The following ANXA8 variants were observed in gnomAD, a reference collection of about 807,000 sequenced individuals.
The protein encoded by ANXA8 is annexin A8.
In ANXA8, 9 loss-of-function variants were observed where a neutral mutation model predicts 26.8. The observed-to-expected ratio is 0.34, with a 90% CI of 0.20 to 0.59. The LOEUF is 0.59. ANXA8 is among the 20% of genes least tolerant of loss of function. ANXA8 has a pLI of 0.84. For synonymous variants in ANXA8, 39 were observed against 94.8 expected (o/e 0.41, Z 3.42); for missense variants, 83 against 238.5 (o/e 0.35, Z 4.29).
At chr10:47,488,445 A>G (rs1247325521), upstream of ANXA8, among the ~76,000 whole-genome samples, 1 of 147,866 alleles carries the variant, frequency 6.8e-6, no homozygotes, top group Non-Finnish European at 1.5e-5. Context: ...TCCTGACCTC[A>G]GGTGGCCCAC....
At chr10:47,632,779 AG>A in the ANXA8 span, among the ~76,000 whole-genome samples, 1 of 145,400 alleles carries the variant, frequency 6.9e-6, no homozygotes, top group Non-Finnish European at 1.5e-5. Flanking sequence ...TAAGTGAAAG[AG>A]TAACGGTATG....
At chr10:47,563,858 T>C in the ANXA8 span, among the ~76,000 whole-genome samples, 4 of 151,944 alleles carry the variant, frequency 2.6e-5, no homozygotes, top group African/African-American at 9.7e-5. Context: ...TATAGCCTTT[T>C]TTTACGGGAG....
At chr10:47,536,740 G>A in the ANXA8 span, among the ~76,000 whole-genome samples, 2 of 125,740 alleles carry the variant, frequency 1.6e-5, 1 homozygote, top group African/African-American at 7.6e-5. Context: ...AGGATCACTT[G>A]AGCCCAGGAG....
chr10:47,588,975 G>T, the ANXA8 span: 1 of 144,434 alleles, frequency 6.9e-6, no homozygotes, highest in Non-Finnish European at 1.5e-5. Flanking sequence ...TGCCACTCCT[G>T]GTTAATTTTT....
chr10:47,901,841 C>T, the ANXA8 span, among the ~76,000 whole-genome samples: 1 of 150,982 alleles, frequency 6.6e-6, no homozygotes, highest in Non-Finnish European at 1.5e-5. Context: ...AAGCCAAGAA[C>T]AAACTTGTAT....
At chr10:47,896,389 G>GTAATTAGAGATTACATAATTACAT in the ANXA8 span, among the ~76,000 whole-genome samples, 6 of 151,432 alleles carry the variant, frequency 4.0e-5, no homozygotes, top group African/African-American at 9.7e-5. Context: ...TGTAACTTCT[G>GTAATTAGAGATTACATAATTACAT]AGCACATGCA....
At chr10:47,670,739 T>G in the ANXA8 span, among the ~76,000 whole-genome samples, 2 of 151,642 alleles carry the variant, frequency 1.3e-5, no homozygotes, top group Non-Finnish European at 2.9e-5. Flanking sequence ...TAAGAGTTCT[T>G]TATACATTCT....
chr10:47,521,267 G>A, the ANXA8 span, among the ~76,000 whole-genome samples: 3 of 136,758 alleles, frequency 2.2e-5, no homozygotes, highest in Non-Finnish European at 3.1e-5. Context: ...TAACTGGTGT[G>A]TAACATCCAT....
the ANXA8 span, among the ~76,000 whole-genome samples, chr10:47,673,623 G>C: frequency 1.1e-3 from 168 of 151,694 alleles, 2 homozygotes; most frequent in African/African-American, 3.7e-3. Flanking sequence ...CTCTGACCGT[G>C]GCGCTTAATG....
chr10:47,743,324 A>ACATATATATATATG, the ANXA8 span, among the ~76,000 whole-genome samples: 1 of 101,976 alleles, frequency 9.8e-6, no homozygotes, highest in Non-Finnish European at 2.0e-5. Context: ...ACATATATAT[A>ACATATATATATATG]TATACATATA....
chr10:47,686,467 C>T, the ANXA8 span, among the ~76,000 whole-genome samples: 1 of 151,870 alleles, frequency 6.6e-6, no homozygotes, highest in Non-Finnish European at 1.5e-5. Context: ...CTGCCTCAGC[C>T]TCCCGAAGTC....
chr10:47,976,741 G>C, the ANXA8 span, among the ~76,000 whole-genome samples: 1 of 148,590 alleles, frequency 6.7e-6, no homozygotes, highest in Admixed American at 6.8e-5. Flanking sequence ...GATTGTCTTT[G>C]CTTAACATGG....
the ANXA8 span, among the ~76,000 whole-genome samples, chr10:47,973,917 G>A: frequency 2.0e-5 from 3 of 151,090 alleles, no homozygotes; most frequent in African/African-American, 7.3e-5. Flanking sequence ...GTTGTCGTTG[G>A]TAGGTTTTTT....
the ANXA8 span, among the ~76,000 whole-genome samples, chr10:47,736,675 GAC>G: frequency 4.0e-5 from 6 of 148,282 alleles, no homozygotes; most frequent in Admixed American, 1.4e-4. Context: ...TTTTTTTTGA[GAC>G]ACAGTTTCAC....
the ANXA8 span, among the ~76,000 whole-genome samples, chr10:47,898,811 ATTTTTTTTTTT>A: frequency 0.047 from 2,641 of 56,144 alleles, 60 homozygotes; most frequent in East Asian, 0.3. Context: ...AAGAGAATGG[ATTTTTTTTTTT>A]TTTTTTTTTT....
the ANXA8 span, among the ~76,000 whole-genome samples, chr10:47,646,154 A>T: frequency 3.5e-4 from 52 of 147,504 alleles, no homozygotes; most frequent in African/African-American, 1.4e-3. Flanking sequence ...CTCTACCTCT[A>T]TGTCTACATC....
the ANXA8 span, among the ~76,000 whole-genome samples, chr10:47,559,216 A>G: frequency 1.4e-5 from 2 of 141,612 alleles, no homozygotes; most frequent in Non-Finnish European, 3.0e-5. Context: ...CAGTAGTGCA[A>G]TCTCAGCTCA....
chr10:47,581,139 A>C, the ANXA8 span: 1 of 318,160 alleles, frequency 3.1e-6, no homozygotes, highest in African/African-American at 2.3e-5. Context: ...TGCACAGTCT[A>C]CCATAGCACA....
chr10:47,533,238 C>A, the ANXA8 span, among the ~76,000 whole-genome samples: 4 of 139,674 alleles, frequency 2.9e-5, no homozygotes, highest in Middle Eastern at 6.8e-3. Flanking sequence ...CGCAGACACC[C>A]TAGTGGCCAA....
Sources: gnomAD v4.1 joint callset for allele counts (sites outside exome capture counted in the v4.1 genomes callset) on GRCh38, gnomAD v4.1.1 for gene constraint, MANE v1.5 for transcripts, NCBI Gene and HGNC (gene_info 2026-07-23, HGNC 2026-07-21) for gene names.